The following DPP6 variants were observed in gnomAD, a reference collection of about 807,000 sequenced individuals.
The protein encoded by DPP6 is dipeptidyl peptidase like 6, also known as A-type potassium channel modulatory protein DPP6.
DPP6 carries 69 observed loss-of-function variants against 122.6 expected under a neutral mutation model. That is an observed-to-expected ratio of 0.56 (90% confidence interval 0.46 to 0.69). DPP6 has a LOEUF of 0.69. DPP6 is among the 30% of genes least tolerant of loss of function. DPP6 has a pLI of 0.00. For missense variants in DPP6, 928 were observed against 1,116.9 expected (o/e 0.83, Z 2.41); for synonymous variants, 418 against 433.1 (o/e 0.97, Z 0.43).
chr7:154,420,459 G>C (rs1181484601), intron 1 of DPP6, among the ~76,000 whole-genome samples: 1 of 152,172 alleles, frequency 6.6e-6, no homozygotes, highest in African/African-American at 2.4e-5. Flanking sequence ...AAAGTAGTCA[G>C]ACTCATGGAA....
chr7:154,341,105 A>T (rs1179159556), intron 1 of DPP6, among the ~76,000 whole-genome samples: 1 of 152,198 alleles, frequency 6.6e-6, no homozygotes, highest in African/African-American at 2.4e-5. Context: ...ATCACACTTA[A>T]ATATCATGCA....
At chr7:154,363,095 A>C (rs1395201219) in intron 1 of DPP6, among the ~76,000 whole-genome samples, 1 of 152,072 alleles carries the variant, frequency 6.6e-6, no homozygotes, top group Non-Finnish European at 1.5e-5. Context: ...AGGCATTGCC[A>C]GTGAGGGTTT....
chr7:153,978,604 G>A (rs1017430953), intron 1 of DPP6, among the ~76,000 whole-genome samples: 25 of 152,112 alleles, frequency 1.6e-4, no homozygotes, highest in African/African-American at 5.8e-4. Flanking sequence ...TGCTTTTGGC[G>A]TTTTAGTCAG....
At chr7:154,306,862 CCCT>C (rs1806393144) in intron 1 of DPP6, among the ~76,000 whole-genome samples, 1 of 152,134 alleles carries the variant, frequency 6.6e-6, no homozygotes, top group Non-Finnish European at 1.5e-5. Flanking sequence ...ACAAACCAAA[CCCT>C]CCTCCTTTCA....
intron 6 of DPP6, among the ~76,000 whole-genome samples, chr7:154,649,163 T>G (rs1379907848): frequency 6.6e-6 from 1 of 152,176 alleles, no homozygotes. Context: ...GCAGCTGGCT[T>G]CCTTAGCATA....
At chr7:153,907,729 C>T (rs1291049101) in intron 1 of DPP6, among the ~76,000 whole-genome samples, 1 of 152,210 alleles carries the variant, frequency 6.6e-6, no homozygotes, top group Non-Finnish European at 1.5e-5. Context: ...ACTTGAACTG[C>T]AGCATTGACT....
At position 154,563,177 on chromosome 7, in the gene DPP6, A is replaced by G. The variant is rs182012930; in HGVS notation, c.553-3665A>G. 7.2e-5 allele frequency among the ~76,000 whole-genome samples: 11 copies of G among 152,340 alleles called. No individual in the cohort carries two copies. In the East Asian group the frequency reaches 2.1e-3, roughly 29 times the overall value. On this transcript the variant is annotated intron_variant, in intron 4 of 25. Transcript: ENST00000377770. ...TTGAGATAAAAGCCAAAGAAATGAA[A>G]GGTTGAGAGCATTTCAGGCAGAAGA...
At chr7:153,764,030 C>T in the DPP6 span, among the ~76,000 whole-genome samples, 4 of 152,140 alleles carry the variant, frequency 2.6e-5, no homozygotes, top group Non-Finnish European at 5.9e-5. Flanking sequence ...TCCAGCTGTC[C>T]CTTTAGAACA....
intron 5 of DPP6, among the ~76,000 whole-genome samples, chr7:154,610,673 G>GT (rs879735197): frequency 0.013 from 1,947 of 146,564 alleles, 21 homozygotes; most frequent in African/African-American, 0.026. Flanking sequence ...TCCAATTTAT[G>GT]TTTTTTTTTT....
the DPP6 span, among the ~76,000 whole-genome samples, chr7:153,804,251 C>T: frequency 6.6e-6 from 1 of 151,944 alleles, no homozygotes; most frequent in Non-Finnish European, 1.5e-5. Flanking sequence ...GAGGTTTCAC[C>T]ATGTTGGCCA....
chr7:154,011,594 A>G (rs73729257), intron 1 of DPP6, among the ~76,000 whole-genome samples: 5,594 of 152,282 alleles, frequency 0.037, 355 homozygotes, highest in African/African-American at 0.13. Flanking sequence ...AAGACGAGAG[A>G]TCAATTTTGC....
At chr7:154,248,703 T>C (rs575472554) in intron 1 of DPP6, among the ~76,000 whole-genome samples, 1 of 152,126 alleles carries the variant, frequency 6.6e-6, no homozygotes. Context: ...CCATCTCTAC[T>C]AAAAATACAA....
intron 3 of DPP6, among the ~76,000 whole-genome samples, chr7:154,518,317 A>T (rs1373256842): frequency 6.6e-6 from 1 of 152,220 alleles, no homozygotes; most frequent in Non-Finnish European, 1.5e-5. Context: ...CTGATGATTC[A>T]AGCTTAGATA....
At chr7:154,797,709 T>C (rs1387412488) in intron 12 of DPP6, among the ~76,000 whole-genome samples, 2 of 152,202 alleles carry the variant, frequency 1.3e-5, no homozygotes, top group Admixed American at 6.5e-5. Context: ...TGGAACTAGA[T>C]AGAGGTGGCT....
intron 1 of DPP6, among the ~76,000 whole-genome samples, chr7:154,357,976 C>A (rs1443913816): frequency 6.6e-6 from 1 of 151,318 alleles, no homozygotes; most frequent in Non-Finnish European, 1.5e-5. Context: ...GAAAAGAAAT[C>A]TTTCTCGGAA....
chr7:154,769,472 C>T lies in DPP6; in HGVS notation c.939C>T (p.Leu313=), dbSNP rs143455186. The change falls in exon 9 of 26, where the codon CTC becomes CTT. Residue 313 remains leucine (L), a synonymous_variant. Coordinates refer to ENST00000377770, the MANE Select transcript of DPP6 (RefSeq NM_130797.4). ...AHWWSPDGTR[L]AYAAINDSRV... ...GGTGGTCTCCGGATGGCACGAGACT[C>T]GCCTACGCCGCCATCAATGATTCCC... The T allele has an allele frequency of 2.6e-4, 424 of 1,613,708 alleles. 2 individuals carry two copies. In the African/African-American group the frequency reaches 4.7e-3, roughly 18 times the overall value.
chr7:154,425,619 T>TGTGTGG (rs1491529535), intron 1 of DPP6, among the ~76,000 whole-genome samples: 1 of 103,142 alleles, frequency 9.7e-6, no homozygotes, highest in South Asian at 2.7e-4. Context: ...TGTGTGTGTG[T>TGTGTGG]GGGTGTGTGT....
Position 154,306,152 on chromosome 7 carries a change from G to C in DPP6, c.244-140062G>C, listed in dbSNP as rs186735656. On this transcript the variant is annotated intron_variant, in intron 1 of 25. Transcript: ENST00000377770. The stretch of plus-strand genomic sequence containing the variant: ...GGTCGGGATAAAGGAGGACTCGGCC[G>C]AGAAGGTGCAGGTTTAAAGGGCTGA... 6.6e-5 allele frequency among the ~76,000 whole-genome samples: 10 copies of C among 152,308 alleles called. No individual in the cohort carries two copies. In the South Asian group the frequency reaches 1.9e-3, roughly 28 times the overall value.
chr7:154,546,263 A>G (rs906149262), intron 4 of DPP6, among the ~76,000 whole-genome samples: 5 of 152,230 alleles, frequency 3.3e-5, no homozygotes, highest in Non-Finnish European at 7.3e-5. Flanking sequence ...ACACTGAACT[A>G]TGAAAATACT....
Sources: allele counts gnomAD v4.1 joint callset (sites outside exome capture counted in the v4.1 genomes callset), GRCh38; gene constraint gnomAD v4.1.1; transcripts MANE v1.5; gene names NCBI Gene and HGNC (gene_info 2026-07-23, HGNC 2026-07-21).